TXN2: variants seen among roughly 807,000 people sequenced by gnomAD.
The protein encoded by TXN2 is thioredoxin, mitochondrial.
TXN2 carries 12 observed loss-of-function variants against 14.6 expected under a neutral mutation model. The ratio of observed to expected loss-of-function variants is 0.82; its 90% confidence interval spans 0.53 to 1.33. The LOEUF is 1.33. Among genes scored for constraint, TXN2 ranks in the 40% most tolerant of loss-of-function variants. TXN2 has a pLI of 0.00. For missense variants in TXN2, 173 were observed against 207.7 expected, an observed-to-expected ratio of 0.83 and a Z score of 1.03; for synonymous variants, 89 against 81.0, an observed-to-expected ratio of 1.10 and a Z score of -0.53.
At chr22:36,471,304 C>G (rs1933269075) in intron 3 of TXN2, among the ~76,000 whole-genome samples, 1 of 152,198 alleles carries the variant, frequency 6.6e-6, no homozygotes, top group African/African-American at 2.4e-5. Context: ...ACCCTCTGAA[C>G]TCGGCAGGAG....
intron 3 of TXN2, among the ~76,000 whole-genome samples, chr22:36,471,469 G>A (rs1000818921): frequency 1.3e-5 from 2 of 152,240 alleles, no homozygotes; most frequent in African/African-American, 4.8e-5. Context: ...GAAAGGCACA[G>A]TGCTGGGTGC....
chr22:36,468,602 C>T, intron 3 of TXN2: 1 of 440,444 alleles, frequency 2.3e-6, no homozygotes, highest in Admixed American at 2.5e-5. Flanking sequence ...TGGTACATGC[C>T]TGTACTCCCA....
rs201733174 is a variant in TXN2, at chr22:36,476,873, G to T, written c.264-17C>A. On this transcript the variant is annotated splice_polypyrimidine_tract_variant and intron_variant, in intron 2 of 3. Coordinates refer to ENST00000216185, the MANE Select transcript of TXN2 (RefSeq NM_012473.4). The stretch of plus-strand genomic sequence containing the variant: ...CCACACCACCTCAAAAGGCGAGAAA[G>T]GAAGCATCCAGTCAGTCAAAAGAGC... The T allele has an allele frequency of 6.2e-7, 1 of 1,614,074 alleles. No individual in the cohort carries two copies. The highest frequency in any genetic ancestry group is 8.5e-7 in the Non-Finnish European group (1 of 1,179,966).
At chr22:36,468,161 A>G (rs944853536) in intron 3 of TXN2, among the ~76,000 whole-genome samples, 2 of 152,094 alleles carry the variant, frequency 1.3e-5, no homozygotes, top group Admixed American at 6.6e-5. Flanking sequence ...CCTTAACCAC[A>G]AGACTGACTC....
chr22:36,480,133 T>G (rs570390510), intron 2 of TXN2, among the ~76,000 whole-genome samples: 1 of 152,316 alleles, frequency 6.6e-6, no homozygotes, highest in East Asian at 1.9e-4. Context: ...TCTGCCCGCC[T>G]TGGCCTCCCA....
In TXN2 at chr22:36,467,342, AT is replaced by A. The variant is rs1933180857; in HGVS notation, c.*461del. On this transcript the variant is annotated 3_prime_UTR_variant, in exon 4 of 4. Coordinates refer to ENST00000216185, the MANE Select transcript of TXN2 (RefSeq NM_012473.4). ...TTATCACAGACCTACAAAAAATGAG[AT>A]AATTAGATATTACTCTCACTAGTTT... The A allele has an allele frequency of 6.0e-6, 1 of 166,450 alleles. No individual in the cohort carries two copies. Among genetic ancestry groups the A allele is most frequent in the African/African-American group, 2.4e-5 (1 of 41,680 alleles). 10.3% of individuals were successfully genotyped at this position (166,450 alleles called of 1,614,324 possible).
intron 3 of TXN2, among the ~76,000 whole-genome samples, chr22:36,472,705 G>C (rs1315057585): frequency 6.6e-6 from 1 of 152,142 alleles, no homozygotes; most frequent in Non-Finnish European, 1.5e-5. Context: ...GTGAACTGCT[G>C]GAAAACAGGG....
At chr22:36,478,881 G>A (rs1933441046) in intron 2 of TXN2, among the ~76,000 whole-genome samples, 1 of 152,170 alleles carries the variant, frequency 6.6e-6, no homozygotes, top group Non-Finnish European at 1.5e-5. Flanking sequence ...TTTAACTCGG[G>A]AGGTGGAGGT....
At chr22:36,477,967 T>C (rs1053897091) in intron 2 of TXN2, among the ~76,000 whole-genome samples, 2 of 151,688 alleles carry the variant, frequency 1.3e-5, no homozygotes, top group Non-Finnish European at 2.9e-5. Flanking sequence ...TAAAACCTCG[T>C]CTCTACTAAA....
At chr22:36,476,643 T>C in intron 3 of TXN2, 90 bp downstream of exon 3, 1 of 1,551,244 alleles carries the variant, frequency 6.4e-7, no homozygotes, top group Non-Finnish European at 8.7e-7. Flanking sequence ...TGGCTACCTG[T>C]GCTCCCCAAG....
chr22:36,481,489 C>T (rs1933501946), intron 1 of TXN2, 75 bp downstream of exon 1: 3 of 830,112 alleles, frequency 3.6e-6, no homozygotes, highest in Admixed American at 6.2e-5. Context: ...GCCCGGCCGC[C>T]AGCCTGCGCA....
At chr22:36,480,274 C>T (rs1204252289) in intron 2 of TXN2, among the ~76,000 whole-genome samples, 1 of 152,210 alleles carries the variant, frequency 6.6e-6, no homozygotes, top group African/African-American at 2.4e-5. Context: ...TGGTATACAC[C>T]AAAAGCAAGG....
At chr22:36,472,092 A>C (rs1391888362) in intron 3 of TXN2, among the ~76,000 whole-genome samples, 1 of 152,206 alleles carries the variant, frequency 6.6e-6, no homozygotes, top group Admixed American at 6.6e-5. Flanking sequence ...ACTGAGTCCC[A>C]GCAGGGGGAA....
intron 2 of TXN2, 72 bp from the exon 3 acceptor site, chr22:36,476,928 C>T: frequency 6.3e-7 from 1 of 1,588,208 alleles, no homozygotes. Flanking sequence ...CTTCCCAGAC[C>T]TGCATCTTTC....
At chr22:36,478,240 C>A (rs1460352001) in intron 2 of TXN2, among the ~76,000 whole-genome samples, 1 of 152,058 alleles carries the variant, frequency 6.6e-6, no homozygotes, top group Non-Finnish European at 1.5e-5. Flanking sequence ...CATAGGTATT[C>A]CCCTCTCGCT....
intron 3 of TXN2, among the ~76,000 whole-genome samples, chr22:36,472,619 C>T (rs1046545882): frequency 3.3e-5 from 5 of 151,992 alleles, no homozygotes. Flanking sequence ...AACATAAAAT[C>T]CTCAAAAAGA....
chr22:36,467,501 A>C lies in TXN2; in HGVS notation c.*303T>G, dbSNP rs1329238833. ...ACCAAGGTGTGGCTGCCTGACTAGG[A>C]ACGCTGTGGGCTGGCCCAGGCTCTC... On this transcript the variant is annotated 3_prime_UTR_variant, in exon 4 of 4. Transcript: ENST00000216185. 8.7e-6 allele frequency: 3 copies of C among 343,622 alleles called. No homozygotes were observed. The Admixed American group carries it at 1.2e-4, about 14-fold the overall frequency. 21.3% of individuals were successfully genotyped at this position (343,622 alleles called of 1,614,324 possible).
At chr22:36,472,721 G>A (rs1014709899) in intron 3 of TXN2, among the ~76,000 whole-genome samples, 13 of 152,154 alleles carry the variant, frequency 8.5e-5, no homozygotes, top group African/African-American at 3.1e-4. Flanking sequence ...CAGGGGAACC[G>A]AGGGCGGTGG....
chr22:36,470,903 T>C lies in TXN2; in HGVS notation c.388-2986A>G, dbSNP rs10211976. ...AGGTAGACAGCAGATGTGCTGTCAA[T>C]GGAGGTCTGGTCACTACTGATCAAG... On this transcript the variant is annotated intron_variant, in intron 3 of 3. Coordinates refer to ENST00000216185, the MANE Select transcript of TXN2 (RefSeq NM_012473.4). Among the ~76,000 whole-genome samples, 715 of 152,020 alleles carry C rather than the reference T, an allele frequency of 4.7e-3. 9 individuals are homozygous for C. The highest frequency in any genetic ancestry group is 0.016 in the African/African-American group (667 of 41,426).
Sources: allele counts gnomAD v4.1 joint callset (sites outside exome capture counted in the v4.1 genomes callset), GRCh38; gene constraint gnomAD v4.1.1; transcripts MANE v1.5; gene names NCBI Gene and HGNC (gene_info 2026-07-23, HGNC 2026-07-21).